Variants in SFMBT2 observed in about 807,000 individuals in gnomAD.
SFMBT2 encodes scm-like with four MBT domains protein 2.
Under a neutral mutation model 110.1 loss-of-function variants are expected in SFMBT2, and 38 were observed. The observed-to-expected ratio is 0.35, with a 90% CI of 0.27 to 0.45. SFMBT2 has a LOEUF of 0.45. Among genes scored for constraint, SFMBT2 ranks in the 20% least tolerant of loss-of-function variants. The pLI, the probability that SFMBT2 is intolerant of heterozygous loss-of-function variation, is 1.00. For synonymous variants in SFMBT2, 425 were observed against 425.4 expected (o/e 1.00, Z 0.01); for missense variants, 1,011 against 1,094.9 (o/e 0.92, Z 1.08).
At chr10:7,244,082 TC>T in intron 8 of SFMBT2, 3 of 862,146 alleles carry the variant, frequency 3.5e-6, no homozygotes, top group Non-Finnish European at 4.2e-6. Context: ...TTTCTCAGTG[TC>T]CACAGCCAGC....
intron 4 of SFMBT2, among the ~76,000 whole-genome samples, chr10:7,329,376 C>T (rs1331782886): frequency 6.6e-6 from 1 of 152,202 alleles, no homozygotes; most frequent in East Asian, 1.9e-4. Flanking sequence ...TAGGTACTGG[C>T]GTCCAGTCCT....
intron 2 of SFMBT2, among the ~76,000 whole-genome samples, chr10:7,376,895 A>G (rs577849181): frequency 6.1e-5 from 9 of 146,998 alleles, no homozygotes; most frequent in East Asian, 4.1e-4. Flanking sequence ...CACCCGGCCG[A>G]GTGTGGTGGC....
chr10:7,168,921 G>A (rs1292097659), intron 20 of SFMBT2, among the ~76,000 whole-genome samples: 1 of 152,106 alleles, frequency 6.6e-6, no homozygotes, highest in African/African-American at 2.4e-5. Context: ...GAGAAGGTGA[G>A]GAGGTGACTC....
chr10:7,229,709 C>T (rs1225267490), intron 9 of SFMBT2, among the ~76,000 whole-genome samples: 4 of 144,108 alleles, frequency 2.8e-5, no homozygotes, highest in Non-Finnish European at 3.0e-5. Context: ...TCAATATATC[C>T]TATTTTTTGT....
At position 7,168,446 on chromosome 10, in the gene SFMBT2, T is replaced by TA. The variant is rs372213110; in HGVS notation, c.2544+2481dup. On this transcript the variant is annotated intron_variant, in intron 20 of 20. Coordinates refer to ENST00000397167, the MANE Select transcript of SFMBT2 (RefSeq NM_001387889.1). ...AAATAAAACCAAAACATTAGAGTAATACAGAATGCCACACCTTGTATCTTT... is the reference window on the plus strand; with the variant it reads ...AAATAAAACCAAAACATTAGAGTAATAACAGAATGCCACACCTTGTATCTTT... Among the ~76,000 whole-genome samples the TA allele has an allele frequency of 6.6e-3, 1,012 of 152,278 alleles. 15 individuals carry two copies. Among genetic ancestry groups the TA allele is most frequent in the African/African-American group, 0.023 (972 of 41,562 alleles).
intron 4 of SFMBT2, among the ~76,000 whole-genome samples, chr10:7,342,083 TA>T (rs34326199): frequency 0.14 from 18,472 of 136,100 alleles, 1,401 homozygotes; most frequent in Non-Finnish European, 0.2. Flanking sequence ...ACTGCCTCAT[TA>T]AAAAAAAAAA....
At chr10:7,248,493 G>T (rs911642836) in intron 8 of SFMBT2, 55 bp downstream of exon 8, 2 of 1,433,348 alleles carry the variant, frequency 1.4e-6, no homozygotes, top group Non-Finnish European at 2.0e-6. Flanking sequence ...GAGTTGAAAG[G>T]CTTAATTTGA....
intron 20 of SFMBT2, among the ~76,000 whole-genome samples, chr10:7,168,791 T>A (rs1837779960): frequency 6.6e-6 from 1 of 152,218 alleles, no homozygotes; most frequent in South Asian, 2.1e-4. Context: ...TACAATTGTC[T>A]TTCTTTCCTG....
In SFMBT2 at chr10:7,320,352, G is replaced by A. The variant is rs112775964; in HGVS notation, c.437-34398C>T. 5.1e-3 allele frequency among the ~76,000 whole-genome samples: 773 copies of A among 152,208 alleles called. 8 individuals carry two copies. The highest frequency in any genetic ancestry group is 0.015 in the African/African-American group (627 of 41,532). ...AGTGTTCTCTACCATCTTGCCCCGC[G>A]GTATAAATGAAACAAGCCGGAGGGT... On this transcript the variant is annotated intron_variant, in intron 4 of 20. Transcript: ENST00000397167.
chr10:7,361,816 T>A (rs1844728344), intron 4 of SFMBT2, among the ~76,000 whole-genome samples: 1 of 152,176 alleles, frequency 6.6e-6, no homozygotes, highest in Non-Finnish European at 1.5e-5. Flanking sequence ...AGGGGTGTTA[T>A]TTGGAGCCAC....
At chr10:7,199,601 T>C (rs1459364926) in intron 14 of SFMBT2, among the ~76,000 whole-genome samples, 1 of 152,206 alleles carries the variant, frequency 6.6e-6, no homozygotes, top group Non-Finnish European at 1.5e-5. Flanking sequence ...AAGTTTGAAT[T>C]ATATAAAACA....
intron 4 of SFMBT2, among the ~76,000 whole-genome samples, chr10:7,365,505 C>G (rs909601604): frequency 2.6e-5 from 4 of 152,196 alleles, no homozygotes; most frequent in Non-Finnish European, 4.4e-5. Context: ...TCACACCATG[C>G]AGCTTACTGT....
intron 10 of SFMBT2, among the ~76,000 whole-genome samples, chr10:7,223,667 C>CT (rs1257777677): frequency 6.6e-6 from 1 of 152,110 alleles, no homozygotes; most frequent in African/African-American, 2.4e-5. Flanking sequence ...TAGAATTTCT[C>CT]TTTTTTATAG....
intron 2 of SFMBT2, among the ~76,000 whole-genome samples, chr10:7,371,629 C>A (rs1316436757): frequency 6.6e-6 from 1 of 152,104 alleles, no homozygotes; most frequent in Non-Finnish European, 1.5e-5. Flanking sequence ...TTATTTGAAC[C>A]AATTGGCAAG....
At chr10:7,386,281 G>A (rs1845602223) in intron 1 of SFMBT2, among the ~76,000 whole-genome samples, 1 of 152,156 alleles carries the variant, frequency 6.6e-6, no homozygotes, top group Admixed American at 6.5e-5. Context: ...GTCCTAGTGA[G>A]AAGAGACAGA....
chr10:7,214,818 T>A, intron 11 of SFMBT2: 1 of 915,264 alleles, frequency 1.1e-6, no homozygotes, highest in Non-Finnish European at 1.3e-6. Flanking sequence ...ACAAAAACAC[T>A]AACTGCAGAT....
At chr10:7,202,912 T>A (rs1839004131) in intron 12 of SFMBT2, 1 of 985,440 alleles carries the variant, frequency 1.0e-6, no homozygotes, top group African/African-American at 1.7e-5. Context: ...CATGTTACTA[T>A]CACAGCACAC....
intron 16 of SFMBT2, among the ~76,000 whole-genome samples, chr10:7,181,022 C>T (rs1285643983): frequency 6.6e-6 from 1 of 152,034 alleles, no homozygotes; most frequent in Non-Finnish European, 1.5e-5. Flanking sequence ...AGGCAGATCA[C>T]GAGGTCAAGA....
At chr10:7,238,665 C>G (rs1840336939) in intron 9 of SFMBT2, among the ~76,000 whole-genome samples, 1 of 152,138 alleles carries the variant, frequency 6.6e-6, no homozygotes, top group Admixed American at 6.5e-5. Flanking sequence ...AGAGACAAAT[C>G]AAAGTGCTAA....
Sources: allele counts gnomAD v4.1 joint callset (sites outside exome capture counted in the v4.1 genomes callset), GRCh38; gene constraint gnomAD v4.1.1; transcripts MANE v1.5; gene names NCBI Gene and HGNC (gene_info 2026-07-23, HGNC 2026-07-21).